The following DOCK3 variants were observed in gnomAD, a reference collection of about 807,000 sequenced individuals.
DOCK3 encodes the protein dedicator of cytokinesis protein 3.
In DOCK3, 60 loss-of-function variants were observed where a neutral mutation model predicts 265.6. The ratio of observed to expected loss-of-function variants is 0.23; its 90% CI spans 0.18 to 0.28. The LOEUF (loss-of-function observed/expected upper bound fraction) is 0.28. Ranked by LOEUF, DOCK3 falls within the 10% of genes least tolerant of loss-of-function variation. DOCK3 has a pLI of 1.00. For missense variants in DOCK3, 1,981 were observed against 2,594.3 expected, an observed-to-expected ratio of 0.76 and a Z score of 5.14; for synonymous variants, 881 against 938.0, an observed-to-expected ratio of 0.94 and a Z score of 1.11.
At chr3:50,816,927 C>T (rs2044113907) in intron 2 of DOCK3, among the ~76,000 whole-genome samples, 1 of 152,112 alleles carries the variant, frequency 6.6e-6, no homozygotes, top group African/African-American at 2.4e-5. Context: ...AGAGAGGATT[C>T]TTGGATCTTG....
At position 51,227,309 on chromosome 3, in the gene DOCK3, G is replaced by C. The variant is rs1293932254; in HGVS notation, c.1404G>C (p.Glu468Asp). Residue 468 changes from glutamate (E) to aspartate (D), a missense_variant, in exon 16 of 53, where the codon GAG becomes GAC. Glu to Asp is a conservative substitution (Grantham distance 45). Around this residue, in one of 4 missense-constraint regions of DOCK3, gnomAD observed 1,357 missense variants for 1,866.8 expected, o/e 0.73. Transcript: ENST00000266037. ...ATTGCATCAGCTTGGGTTCAGGAGA[G>C]CCAAATAGGAGTTCCTACCACTCCT... The part of the protein sequence containing the change: ...LKDCISLGSG[E>D]PNRSSYHSFV... 1.2e-6 allele frequency: 2 copies of C among 1,613,840 alleles called. No individual in the cohort carries two copies. Among genetic ancestry groups the C allele is most frequent in the Non-Finnish European group, 1.7e-6 (2 of 1,179,846 alleles).
At chr3:50,960,300 A>G (rs1398676682) in intron 5 of DOCK3, among the ~76,000 whole-genome samples, 3 of 152,168 alleles carry the variant, frequency 2.0e-5, no homozygotes, top group African/African-American at 7.2e-5. Flanking sequence ...TGGTTGTACC[A>G]TTTTATATTT....
chr3:51,028,773 G>A (rs554342543), intron 5 of DOCK3, among the ~76,000 whole-genome samples: 5 of 151,982 alleles, frequency 3.3e-5, no homozygotes, highest in African/African-American at 1.2e-4. Flanking sequence ...GTTCTGTTTG[G>A]TTCTTTTTTT....
At chr3:50,823,549 G>A (rs1430464620) in intron 2 of DOCK3, among the ~76,000 whole-genome samples, 1 of 152,154 alleles carries the variant, frequency 6.6e-6, no homozygotes, top group African/African-American at 2.4e-5. Flanking sequence ...AAAATGAAAA[G>A]TCTCCCATGT....
chr3:50,851,462 GAGA>G (rs1159092168), intron 3 of DOCK3, among the ~76,000 whole-genome samples: 1 of 152,186 alleles, frequency 6.6e-6, no homozygotes, highest in Non-Finnish European at 1.5e-5. Context: ...GCGTGGAGTG[GAGA>G]AGGTCTTGCT....
chr3:51,026,545 T>C (rs2079831903), intron 5 of DOCK3, among the ~76,000 whole-genome samples: 1 of 152,048 alleles, frequency 6.6e-6, no homozygotes, highest in Non-Finnish European at 1.5e-5. Context: ...TGAAGTAGTT[T>C]CAGTATGATT....
At chr3:51,158,293 C>G (rs1461152431) in intron 10 of DOCK3, among the ~76,000 whole-genome samples, 1 of 152,186 alleles carries the variant, frequency 6.6e-6, no homozygotes, top group Non-Finnish European at 1.5e-5. Context: ...CACCTGTAAT[C>G]TCAACACTTT....
chr3:51,110,869 T>C (rs1175844471), intron 9 of DOCK3, among the ~76,000 whole-genome samples: 4 of 152,134 alleles, frequency 2.6e-5, no homozygotes, highest in Non-Finnish European at 5.9e-5. Flanking sequence ...GGCCTCTACG[T>C]AGGAAGAGAA....
chr3:51,336,769 GT>G lies in DOCK3; in HGVS notation c.3612-1588del, dbSNP rs372604410. Reference sequence around the variant, plus strand: ...CCCTGGTATCACAGTGTTGAGGCCAGTTCCTTTCTGTTTAAGGGACTTAGCT... The same window carrying G: ...CCCTGGTATCACAGTGTTGAGGCCAGTCCTTTCTGTTTAAGGGACTTAGCT... On this transcript the variant is annotated intron_variant, in intron 35 of 52. Coordinates refer to ENST00000266037, the MANE Select transcript of DOCK3 (RefSeq NM_004947.5). 1.3e-3 allele frequency: 530 copies of G among 423,768 alleles called. 2 individuals are homozygous for G. Among genetic ancestry groups the G allele is most frequent in the Non-Finnish European group, 2.0e-3 (414 of 209,690 alleles). 26.3% of individuals were successfully genotyped at this position (423,768 alleles called of 1,614,324 possible).
intron 4 of DOCK3, among the ~76,000 whole-genome samples, chr3:50,921,545 C>G (rs751595397): frequency 1.1e-4 from 16 of 152,240 alleles, no homozygotes; most frequent in Non-Finnish European, 4.4e-5. Context: ...CTCAAACCTT[C>G]TTCTCTCAAC....
intron 2 of DOCK3, among the ~76,000 whole-genome samples, chr3:50,788,898 C>G (rs745400776): frequency 1.3e-5 from 2 of 152,192 alleles, no homozygotes; most frequent in African/African-American, 2.4e-5. Flanking sequence ...TGGCCACCCC[C>G]CTTTATTATC....
intron 4 of DOCK3, among the ~76,000 whole-genome samples, chr3:50,918,469 G>A (rs1282904175): frequency 6.6e-6 from 1 of 152,126 alleles, no homozygotes; most frequent in Non-Finnish European, 1.5e-5. Context: ...GTGTGAGATA[G>A]TATCTCATTG....
At chr3:50,688,651 C>CAGGA (rs1327894693) in intron 1 of DOCK3, among the ~76,000 whole-genome samples, 1 of 152,084 alleles carries the variant, frequency 6.6e-6, no homozygotes, top group Non-Finnish European at 1.5e-5. Flanking sequence ...TTAGTAGAGA[C>CAGGA]AGAGTTTCAC....
At position 51,310,260 on chromosome 3, in the gene DOCK3, T is replaced by G. The variant is rs1156525046; in HGVS notation, c.2951T>G (p.Phe984Cys). 6.2e-7 allele frequency: 1 copy of G among 1,605,116 alleles called. No individual in the cohort carries two copies. The highest frequency in any genetic ancestry group is 1.3e-5 in the African/African-American group (1 of 74,860). The change falls in exon 28 of 53, where the codon TTC (phenylalanine) becomes TGC (cysteine). Residue 984 changes from phenylalanine (F) to cysteine (C), a missense_variant. Around this residue, in one of 4 missense-constraint regions of DOCK3, gnomAD observed 1,357 missense variants for 1,866.8 expected, o/e 0.73. Transcript: ENST00000266037. ...TTTCTGCTGAAGATTTTTTGCGTGTTCCGGAACCTGATGAAGATGAGTGTC... is the reference window on the plus strand; with the variant it reads ...TTTCTGCTGAAGATTTTTTGCGTGTGCCGGAACCTGATGAAGATGAGTGTC... ...KEFLLKIFCV[F>C]RNLMKMSVFP...
intron 2 of DOCK3, among the ~76,000 whole-genome samples, chr3:50,781,168 A>G (rs548003275): frequency 1.3e-5 from 2 of 152,052 alleles, no homozygotes; most frequent in South Asian, 4.1e-4. Context: ...ATAAAATCCC[A>G]GTGGCTCCAC....
intron 5 of DOCK3, among the ~76,000 whole-genome samples, chr3:51,027,026 G>A (rs1368597845): frequency 3.3e-5 from 5 of 151,744 alleles, no homozygotes; most frequent in African/African-American, 1.2e-4. Flanking sequence ...TATATTTCTA[G>A]TTCTTTTAGC....
intron 41 of DOCK3, among the ~76,000 whole-genome samples, 168 bp downstream of exon 41, chr3:51,355,191 T>C (rs2086279605): frequency 6.6e-6 from 1 of 152,212 alleles, no homozygotes; most frequent in Non-Finnish European, 1.5e-5. Context: ...AAGGCACTAA[T>C]ACCTCAAAGA....
At chr3:50,909,637 T>A (rs1358025370) in intron 4 of DOCK3, among the ~76,000 whole-genome samples, 1 of 147,794 alleles carries the variant, frequency 6.8e-6, no homozygotes, top group East Asian at 2.0e-4. Context: ...TGGCTACCCT[T>A]AACGTTTTTT....
chr3:51,072,322 G>T (rs1410788830), intron 6 of DOCK3, among the ~76,000 whole-genome samples: 1 of 152,150 alleles, frequency 6.6e-6, no homozygotes, highest in Non-Finnish European at 1.5e-5. Context: ...TCACTGTGTG[G>T]TGCACTACCA....
Sources: gnomAD v4.1 joint callset for allele counts (sites outside exome capture counted in the v4.1 genomes callset) on GRCh38, gnomAD v4.1.1 for gene constraint, gnomAD v4.1.1 regional missense constraint, MANE v1.5 for transcripts, NCBI Gene and HGNC (gene_info 2026-07-23, HGNC 2026-07-21) for gene names.